Variants in GSDME observed in about 807,000 individuals in gnomAD.
The protein encoded by GSDME is gasdermin E.
Under a neutral mutation model 47.5 loss-of-function variants are expected in GSDME, and 44 were observed. That is an observed-to-expected ratio of 0.93 (90% CI 0.73 to 1.19). The LOEUF is 1.19. Ranked by LOEUF, GSDME falls within the 50% of genes most tolerant of loss-of-function variation. The pLI, the probability that GSDME is intolerant of heterozygous loss-of-function variation, is 0.00. For synonymous variants in GSDME, 258 were observed against 252.8 expected, an observed-to-expected ratio of 1.02 and a Z score of -0.20; for missense variants, 663 against 604.2, an observed-to-expected ratio of 1.10 and a Z score of -1.02.
chr7:24,708,963 T>G (rs1789237421), intron 6 of GSDME, among the ~76,000 whole-genome samples: 1 of 152,160 alleles, frequency 6.6e-6, no homozygotes, highest in Non-Finnish European at 1.5e-5. Flanking sequence ...TTAAGTCTAG[T>G]GGAGATTTTA....
chr7:24,765,746 A>G, the GSDME span, among the ~76,000 whole-genome samples: 1 of 152,222 alleles, frequency 6.6e-6, no homozygotes, highest in African/African-American at 2.4e-5. Flanking sequence ...TTTTAATAGC[A>G]CCAAGTTAGA....
At chr7:24,780,526 C>T in the GSDME span, among the ~76,000 whole-genome samples, 2 of 152,330 alleles carry the variant, frequency 1.3e-5, no homozygotes, top group South Asian at 4.1e-4. The surrounding 1 kb of genome is among the most constrained non-coding windows in gnomAD (Gnocchi z 4.1). Context: ...ACACTCCTAC[C>T]GCTTTGTACA....
At chr7:24,748,974 T>G (rs185875214) in intron 2 of GSDME, among the ~76,000 whole-genome samples, 2 of 152,194 alleles carry the variant, frequency 1.3e-5, no homozygotes, top group Admixed American at 6.5e-5. Context: ...CCAAACCACA[T>G]TTGGGGTAGG....
the GSDME span, among the ~76,000 whole-genome samples, chr7:24,769,238 A>T: frequency 6.6e-6 from 1 of 152,208 alleles, no homozygotes; most frequent in Non-Finnish European, 1.5e-5. Context: ...CATTGCTTGC[A>T]TGGGAAACCC....
chr7:24,745,567 C>T lies in GSDME; in HGVS notation c.212-813G>A, dbSNP rs1320501763. On this transcript the variant is annotated intron_variant, in intron 2 of 9. Transcript: ENST00000645220. This position sits in a 1 kb window ranked among gnomAD's most constrained non-coding sequence, Gnocchi z 4.4. ...ATCTGAACTGTCAGCCTTCTCACAT[C>T]TCCAGGTTTCTACTATTCTCTTTTG... Among the ~76,000 whole-genome samples, 1 of 152,172 alleles carries T rather than the reference C, an allele frequency of 6.6e-6. No individual in the cohort carries two copies. Among genetic ancestry groups the T allele is most frequent in the Non-Finnish European group, 1.5e-5 (1 of 68,012 alleles).
intron 1 of GSDME, among the ~76,000 whole-genome samples, chr7:24,753,448 T>TA (rs1216261323): frequency 6.6e-6 from 1 of 152,246 alleles, no homozygotes. Context: ...AAATTTGTGT[T>TA]ATATTAAAGC....
rs933797641 is a variant in GSDME at position 24,739,393 on chromosome 7, C to T, written c.404+5169G>A. Among the ~76,000 whole-genome samples, 6 of 152,130 alleles carry T rather than the reference C, an allele frequency of 3.9e-5. No homozygotes were observed. Among genetic ancestry groups the T allele is most frequent in the African/African-American group, 1.2e-4 (5 of 41,424 alleles). On this transcript the variant is annotated intron_variant, in intron 3 of 9. Coordinates refer to ENST00000645220, the MANE Select transcript of GSDME (RefSeq NM_001127453.2). This position sits in a 1 kb window ranked among gnomAD's most constrained non-coding sequence, Gnocchi z 5.1. ...TGAAAATGTGCTCAACATCATTGAT[C>T]ATCAGGGAAATGCAAATCAAAACTA...
In GSDME at chr7:24,708,247, C is replaced by A. The variant is rs754425814; in HGVS notation, c.870G>T (p.Leu290=). The change falls in exon 7 of 10, where the codon CTG becomes CTT. Residue 290 remains leucine (L), a synonymous_variant. Transcript: ENST00000645220. ...ATGGATGGAAATTCCTCTCCAGGAG[C>A]AGGGTCGCTGTGAAAACAAAGCACA... is the stretch of plus-strand genomic sequence containing the variant. The part of the protein sequence containing the change: ...GPLSVLKQAT[L]LLERNFHPFA... The A allele has an allele frequency of 6.2e-7, 1 of 1,614,108 alleles. No individual in the cohort carries two copies. The highest frequency in any genetic ancestry group is 8.5e-7 in the Non-Finnish European group (1 of 1,180,026).
chr7:24,751,639 T>G (rs1291496319), intron 1 of GSDME, among the ~76,000 whole-genome samples: 1 of 152,238 alleles, frequency 6.6e-6, no homozygotes, highest in African/African-American at 2.4e-5. Context: ...AGTTCCTTTC[T>G]GATAAGGTGA....
rs1032265056 is a variant in GSDME, at chr7:24,724,868, C to T, written c.405-5650G>A. On this transcript the variant is annotated intron_variant, in intron 3 of 9. Transcript: ENST00000645220. This position sits in a 1 kb window ranked among gnomAD's most constrained non-coding sequence, Gnocchi z 4.8. Reference sequence around the variant, plus strand: ...GATCCCTCATGAAAGGCTTGGTGCCCGCCTTGCAGTAATGAGTGAGTTTAC... The same window carrying T: ...GATCCCTCATGAAAGGCTTGGTGCCTGCCTTGCAGTAATGAGTGAGTTTAC... 2.0e-5 allele frequency: 3 copies of T among 151,928 alleles called. No homozygotes were observed. The highest frequency in any genetic ancestry group is 2.4e-5 in the African/African-American group (1 of 41,430). 9.4% of individuals were successfully genotyped at this position (151,928 alleles called of 1,614,324 possible).
In GSDME at chr7:24,724,087, TG is replaced by T. The variant is rs907775346; in HGVS notation, c.405-4870del. 6.6e-6 allele frequency among the ~76,000 whole-genome samples: 1 copy of T among 151,430 alleles called. No individual in the cohort carries two copies. The highest frequency in any genetic ancestry group is 1.5e-5 in the Non-Finnish European group (1 of 67,920). ...CTATTAGTAGTGGTCGCCTCTTGGG[TG>T]GGGAACCAGATGGCGGGGAGGGGCT... On this transcript the variant is annotated intron_variant, in intron 3 of 9. Coordinates refer to ENST00000645220, the MANE Select transcript of GSDME (RefSeq NM_001127453.2). The surrounding 1 kb of genome is among the most constrained non-coding windows in gnomAD (Gnocchi z 4.8).
chr7:24,748,122 G>C (rs549827677), intron 2 of GSDME, among the ~76,000 whole-genome samples: 1 of 137,272 alleles, frequency 7.3e-6, no homozygotes, highest in Non-Finnish European at 1.7e-5. Flanking sequence ...AAAAAATAAG[G>C]AGTGTATAAA....
intron 3 of GSDME, among the ~76,000 whole-genome samples, chr7:24,727,238 T>C (rs78099343): frequency 0.021 from 3,184 of 152,298 alleles, 102 homozygotes; most frequent in African/African-American, 0.072. Flanking sequence ...CCACATGGCC[T>C]GTTAGTGGCA....
chr7:24,791,750 G>A, the GSDME span, among the ~76,000 whole-genome samples: 13,729 of 152,134 alleles, frequency 0.09, 836 homozygotes, highest in Non-Finnish European at 0.14. This position sits in a 1 kb window ranked among gnomAD's most constrained non-coding sequence, Gnocchi z 4.8. Context: ...GTAAAGGTCC[G>A]CCACAATACC....
At position 24,705,944 on chromosome 7, in the gene GSDME, A is replaced by G; in HGVS notation, c.1183+240T>C. ...CCACTGTGGCCTTCCCTGGGGGAGGAGGGAGAAGGGCCCTCCGGGAGAGTA... is the reference window on the plus strand; with the variant it reads ...CCACTGTGGCCTTCCCTGGGGGAGGGGGGAGAAGGGCCCTCCGGGAGAGTA... On this transcript the variant is annotated intron_variant, in intron 8 of 9. Coordinates refer to ENST00000645220, the MANE Select transcript of GSDME (RefSeq NM_001127453.2). The surrounding 1 kb of genome is among the most constrained non-coding windows in gnomAD (Gnocchi z 4.1). 1.7e-6 allele frequency: 1 copy of G among 574,832 alleles called. No individual in the cohort carries two copies. The highest frequency in any genetic ancestry group is 3.1e-6 in the Non-Finnish European group (1 of 320,512). 35.6% of individuals were successfully genotyped at this position (574,832 alleles called of 1,614,324 possible).
the GSDME span, among the ~76,000 whole-genome samples, chr7:24,772,328 CCA>C: frequency 4.6e-5 from 7 of 152,180 alleles, no homozygotes; most frequent in African/African-American, 1.7e-4. The surrounding 1 kb of genome is among the most constrained non-coding windows in gnomAD (Gnocchi z 4.5). Context: ...ATTCTTTGAC[CCA>C]CAGGTTTAAG....
intron 3 of GSDME, among the ~76,000 whole-genome samples, chr7:24,737,723 T>G (rs1480421810): frequency 6.6e-6 from 1 of 150,796 alleles, no homozygotes; most frequent in Non-Finnish European, 1.5e-5. Context: ...CAAGCAGTGA[T>G]GCAAAAATCC....
rs1387562512 is a variant in GSDME, at chr7:24,744,419, A to C, written c.404+143T>G. On this transcript the variant is annotated intron_variant, in intron 3 of 9. Transcript: ENST00000645220. This position sits in a 1 kb window ranked among gnomAD's most constrained non-coding sequence, Gnocchi z 4.5. ...TTCCAGACTAAAGAATGTGCTCCTCATGAAATTTCAACACAAGCGCATTCA... is the reference window on the plus strand; with the variant it reads ...TTCCAGACTAAAGAATGTGCTCCTCCTGAAATTTCAACACAAGCGCATTCA... 3 of 943,406 alleles carry C rather than the reference A, an allele frequency of 3.2e-6. No individual in the cohort carries two copies. Among genetic ancestry groups the C allele is most frequent in the African/African-American group, 3.2e-5 (2 of 62,406 alleles). The allele number at this position is 943,406 out of a possible 1,614,324, so 58.4% of individuals were successfully genotyped here. A position where few individuals can be genotyped will look rare whatever the true frequency, so the allele number is the denominator to read the frequency against.
chr7:24,701,504 G>A (rs1426960736), intron 9 of GSDME, among the ~76,000 whole-genome samples: 5 of 152,170 alleles, frequency 3.3e-5, no homozygotes, highest in Non-Finnish European at 7.3e-5. Flanking sequence ...GGGCTTGGCA[G>A]GATTTTCTTT....
Sources: allele counts gnomAD v4.1 joint callset (sites outside exome capture counted in the v4.1 genomes callset), GRCh38; gene constraint gnomAD v4.1.1; non-coding constraint Gnocchi (gnomAD v3.1); transcripts MANE v1.5; gene names NCBI Gene and HGNC (gene_info 2026-07-23, HGNC 2026-07-21).